Variants in ADK observed in about 807,000 individuals in gnomAD.
ADK encodes N6,N6-dimethyladenosine kinase.
ADK carries 24 observed loss-of-function variants against 44.7 expected under a neutral mutation model. The ratio of observed to expected loss-of-function variants is 0.54; its 90% confidence interval spans 0.39 to 0.76. The LOEUF (loss-of-function observed/expected upper bound fraction) is 0.76, where lower values mean the gene tolerates loss of function less well. Ranked by LOEUF, ADK falls within the 30% of genes least tolerant of loss-of-function variation. The pLI is 0.00. For missense variants in ADK, 321 were observed against 425.1 expected (o/e 0.76, Z 2.15); for synonymous variants, 128 against 142.6 (o/e 0.90, Z 0.73).
chr10:74,338,678 A>G (rs1274964448), intron 4 of ADK, among the ~76,000 whole-genome samples: 1 of 152,198 alleles, frequency 6.6e-6, no homozygotes, highest in Non-Finnish European at 1.5e-5. Flanking sequence ...AGTGTTACAT[A>G]CTGTATGATT....
At chr10:74,482,529 C>A (rs1847112031) in intron 6 of ADK, among the ~76,000 whole-genome samples, 1 of 152,170 alleles carries the variant, frequency 6.6e-6, no homozygotes, top group Non-Finnish European at 1.5e-5. Flanking sequence ...AAAATAGAAT[C>A]ATCCCTTCCC....
intron 6 of ADK, 36 bp downstream of exon 6, chr10:74,398,615 T>C (rs1564698872): frequency 8.4e-7 from 1 of 1,186,402 alleles, no homozygotes. Context: ...CTAGTACATA[T>C]TTACATGATG....
chr10:74,303,590 T>TTTTTTTTTTTG lies in ADK; in HGVS notation c.195-11067_195-11066insGTTTTTTTTTT, dbSNP rs1554840557. Among the ~76,000 whole-genome samples, 39 of 105,130 alleles carry TTTTTTTTTTTG rather than the reference T, an allele frequency of 3.7e-4. 2 individuals are homozygous for TTTTTTTTTTTG. The highest frequency in any genetic ancestry group is 1.3e-3 in the African/African-American group (35 of 26,110). The allele number at this position is 105,130 out of a possible 152,430, so 69.0% of individuals were successfully genotyped here. ...CTTTTCATATTGGTTTTAATGTTGT[T>TTTTTTTTTTTG]TTTTTTTTTTTTTTTTTTTTTTTTG... On this transcript the variant is annotated intron_variant, in intron 3 of 10. Transcript: ENST00000539909.
At chr10:74,627,256 C>T (rs1240751863) in intron 9 of ADK, among the ~76,000 whole-genome samples, 2 of 151,996 alleles carry the variant, frequency 1.3e-5, no homozygotes. Context: ...CAGAAGGATC[C>T]CTTGAGCTCA....
At chr10:74,519,273 C>T (rs905224946) in intron 6 of ADK, among the ~76,000 whole-genome samples, 3 of 151,776 alleles carry the variant, frequency 2.0e-5, no homozygotes, top group African/African-American at 4.8e-5. Flanking sequence ...AACAATAAAG[C>T]TCCAGCAGAA....
intron 2 of ADK, among the ~76,000 whole-genome samples, chr10:74,206,111 T>A (rs886925956): frequency 3.9e-5 from 6 of 152,130 alleles, no homozygotes; most frequent in Non-Finnish European, 5.9e-5. Context: ...GTCACTATTT[T>A]AAAAAAATCA....
At position 74,388,427 on chromosome 10, in the gene ADK, A is replaced by T. The variant is rs370015333; in HGVS notation, c.274-5714A>T. ...CCATTGAGAGTTTGGTTGGGATTGC[A>T]TTGAACTTATGAATCAATTTGGGGA... On this transcript the variant is annotated intron_variant, in intron 4 of 10. Coordinates refer to ENST00000539909, the MANE Select transcript of ADK (RefSeq NM_006721.4). Among the ~76,000 whole-genome samples the T allele has an allele frequency of 2.3e-4, 35 of 152,306 alleles. 1 individual carries two copies. The highest frequency in any genetic ancestry group is 6.8e-3 in the Middle Eastern group (2 of 294).
At chr10:74,225,771 T>C (rs1844511753) in intron 3 of ADK, among the ~76,000 whole-genome samples, 1 of 152,196 alleles carries the variant, frequency 6.6e-6, no homozygotes, top group Non-Finnish European at 1.5e-5. Flanking sequence ...TTCTCAAATA[T>C]ATATATTGTC....
intron 1 of ADK, among the ~76,000 whole-genome samples, chr10:74,192,527 A>AT (rs58530218): frequency 0.01 from 1,350 of 131,802 alleles, 6 homozygotes; most frequent in African/African-American, 0.023. Flanking sequence ...CACCTGGCCC[A>AT]TTTTTTTTTT....
At chr10:74,241,353 A>G (rs2132301882) in intron 3 of ADK, among the ~76,000 whole-genome samples, 1 of 152,278 alleles carries the variant, frequency 6.6e-6, no homozygotes, top group Admixed American at 6.5e-5. Context: ...ATTTGATACA[A>G]TTGATGAACC....
chr10:74,525,860 G>A (rs1849017821), intron 7 of ADK, among the ~76,000 whole-genome samples: 2 of 152,148 alleles, frequency 1.3e-5, no homozygotes, highest in Admixed American at 1.3e-4. Flanking sequence ...TCACCATGTT[G>A]GCCAGGCTGG....
chr10:74,195,224 G>C (rs1843086357), intron 1 of ADK, among the ~76,000 whole-genome samples: 1 of 152,032 alleles, frequency 6.6e-6, no homozygotes, highest in East Asian at 1.9e-4. Flanking sequence ...ACCTCATCTT[G>C]TTCACATTCT....
At position 74,194,404 on chromosome 10, in the gene ADK, G is replaced by A. The variant is rs543334860; in HGVS notation, c.66-6360G>A. Among the ~76,000 whole-genome samples the A allele has an allele frequency of 1.2e-4, 19 of 152,180 alleles. No individual in the cohort carries two copies. The South Asian group carries it at 2.5e-3, about 20-fold the overall frequency. Reference sequence around the variant, plus strand: ...TGGCATACATCTTACAACTGATTGTGTTTTGCATCACCATTGGAAATTGGG... The same window carrying A: ...TGGCATACATCTTACAACTGATTGTATTTTGCATCACCATTGGAAATTGGG... On this transcript the variant is annotated intron_variant, in intron 1 of 10. Coordinates refer to ENST00000539909, the MANE Select transcript of ADK (RefSeq NM_006721.4).
chr10:74,562,788 GT>G (rs1850507965), intron 7 of ADK, among the ~76,000 whole-genome samples: 1 of 152,098 alleles, frequency 6.6e-6, no homozygotes, highest in Non-Finnish European at 1.5e-5. Context: ...AATAAAACCA[GT>G]GTTTTTTGTG....
At chr10:74,512,364 T>C (rs1012628125) in intron 6 of ADK, among the ~76,000 whole-genome samples, 1 of 151,798 alleles carries the variant, frequency 6.6e-6, no homozygotes, top group African/African-American at 2.4e-5. Flanking sequence ...TTGGGACAAA[T>C]TGGTTTTAAT....
chr10:74,677,738 T>G (rs557385305), intron 10 of ADK, among the ~76,000 whole-genome samples: 1 of 152,202 alleles, frequency 6.6e-6, no homozygotes, highest in African/African-American at 2.4e-5. Context: ...TTTTCTTGTC[T>G]TTCTGCTCTA....
chr10:74,317,651 C>T (rs542413740), intron 4 of ADK, among the ~76,000 whole-genome samples: 81 of 151,858 alleles, frequency 5.3e-4, no homozygotes, highest in South Asian at 1.2e-3. Flanking sequence ...GACATAGATG[C>T]CCTGCAGTAC....
At chr10:74,317,779 T>C (rs894259758) in intron 4 of ADK, among the ~76,000 whole-genome samples, 1 of 152,094 alleles carries the variant, frequency 6.6e-6, no homozygotes, top group Non-Finnish European at 1.5e-5. Flanking sequence ...GTTTCTGGTT[T>C]TTTTGTTTGT....
At chr10:74,541,138 CTGAGTAGCTGGGGTT>C (rs1849613759) in intron 7 of ADK, among the ~76,000 whole-genome samples, 2 of 152,134 alleles carry the variant, frequency 1.3e-5, no homozygotes, top group African/African-American at 4.8e-5. Flanking sequence ...CCTCAGCCTC[CTGAGTAGCTGGGGTT>C]ACAAGTTCCT....
Sources: gnomAD v4.1 joint callset for allele counts (sites outside exome capture counted in the v4.1 genomes callset) on GRCh38, gnomAD v4.1.1 for gene constraint, MANE v1.5 for transcripts, NCBI Gene and HGNC (gene_info 2026-07-23, HGNC 2026-07-21) for gene names.